Variants in RABGAP1 observed in about 807,000 individuals in gnomAD.
RABGAP1 encodes rab GTPase-activating protein 1.
RABGAP1 carries 23 observed loss-of-function variants against 137.6 expected under a neutral mutation model. The ratio of observed to expected loss-of-function variants is 0.17; its 90% CI spans 0.12 to 0.24. The LOEUF is 0.24. RABGAP1 is among the 10% of genes least tolerant of loss of function. The pLI, the probability that RABGAP1 is intolerant of heterozygous loss-of-function variation, is 1.00. For missense variants in RABGAP1, 906 were observed against 1,275.8 expected (o/e 0.71, Z 4.42); for synonymous variants, 451 against 450.7 (o/e 1.00, Z -0.01).
At chr9:123,016,422 G>A (rs1008721526) in intron 12 of RABGAP1, among the ~76,000 whole-genome samples, 3 of 152,116 alleles carry the variant, frequency 2.0e-5, no homozygotes, top group South Asian at 2.1e-4. Context: ...CAGGAGGATC[G>A]CTTGAGCATA....
chr9:123,087,678 G>GTA (rs1564187057), intron 19 of RABGAP1, among the ~76,000 whole-genome samples: 1 of 152,184 alleles, frequency 6.6e-6, no homozygotes, highest in Non-Finnish European at 1.5e-5. Context: ...GAGGTCAGCT[G>GTA]GAGCAGAATG....
the RABGAP1 span, among the ~76,000 whole-genome samples, chr9:122,933,440 A>AATT: frequency 0.034 from 4,905 of 146,036 alleles, 93 homozygotes; most frequent in Non-Finnish European, 0.039. Context: ...TTTTTCATTA[A>AATT]ATTATTATTA....
At chr9:123,097,351 A>C (rs909336594) in intron 21 of RABGAP1, among the ~76,000 whole-genome samples, 1 of 152,232 alleles carries the variant, frequency 6.6e-6, no homozygotes, top group Non-Finnish European at 1.5e-5. Flanking sequence ...TATTAATAAT[A>C]ATGATGGCTA....
At chr9:123,045,573 T>G (rs185949156) in intron 13 of RABGAP1, among the ~76,000 whole-genome samples, 1 of 152,282 alleles carries the variant, frequency 6.6e-6, no homozygotes, top group Non-Finnish European at 1.5e-5. Flanking sequence ...TTCTGGCAGT[T>G]AATTAGGTAA....
intron 15 of RABGAP1, among the ~76,000 whole-genome samples, chr9:123,072,240 AT>A (rs917013873): frequency 1.3e-5 from 2 of 152,138 alleles, no homozygotes; most frequent in African/African-American, 4.8e-5. Context: ...ATTTTCAGAT[AT>A]GGGTTGCTCA....
At chr9:122,989,188 C>A in intron 4 of RABGAP1, 109 bp from the exon 5 acceptor site, 1 of 1,021,194 alleles carries the variant, frequency 9.8e-7, no homozygotes, top group Non-Finnish European at 1.5e-6. Context: ...ATCAGCATAC[C>A]AAATATATGA....
At chr9:123,043,506 G>C (rs1194436293) in intron 13 of RABGAP1, among the ~76,000 whole-genome samples, 1 of 152,144 alleles carries the variant, frequency 6.6e-6, no homozygotes, top group Non-Finnish European at 1.5e-5. Flanking sequence ...GAAAAAAATA[G>C]AAAATTGAAG....
intron 13 of RABGAP1, among the ~76,000 whole-genome samples, chr9:123,055,263 C>T (rs554040492): frequency 2.0e-5 from 3 of 152,324 alleles, no homozygotes; most frequent in South Asian, 4.1e-4. Flanking sequence ...ACGATCACAG[C>T]TCACTGCAGC....
At chr9:123,093,978 A>G (rs1210510259) in intron 21 of RABGAP1, among the ~76,000 whole-genome samples, 3 of 152,156 alleles carry the variant, frequency 2.0e-5, no homozygotes, top group African/African-American at 4.8e-5. Context: ...TTAGTGTTCA[A>G]TTTACAAGAC....
At chr9:122,986,484 G>T in intron 4 of RABGAP1, 65 bp downstream of exon 4, 1 of 1,497,470 alleles carries the variant, frequency 6.7e-7, no homozygotes, top group Non-Finnish European at 9.2e-7. Context: ...GCTTCAGAAA[G>T]AAGCAATAGT....
intron 14 of RABGAP1, 100 bp downstream of exon 14, chr9:123,065,561 TC>T (rs1329474409): frequency 2.2e-6 from 2 of 914,172 alleles, no homozygotes; most frequent in South Asian, 2.8e-5. Context: ...TATTTGATGT[TC>T]AAGAATTCCA....
intron 19 of RABGAP1, among the ~76,000 whole-genome samples, chr9:123,083,710 C>T (rs575510127): frequency 2.6e-5 from 4 of 152,316 alleles, no homozygotes; most frequent in South Asian, 2.1e-4. Context: ...TGCAGACCTT[C>T]GAGACCCACA....
intron 19 of RABGAP1, among the ~76,000 whole-genome samples, chr9:123,077,348 C>G (rs1272128468): frequency 6.6e-6 from 1 of 151,832 alleles, no homozygotes; most frequent in Non-Finnish European, 1.5e-5. Context: ...TTTGGGTTCT[C>G]ACTATGTTGC....
chr9:123,025,543 C>CTTTTTTTTTTTTTTTTTTTTTTT (rs577474947), intron 13 of RABGAP1, among the ~76,000 whole-genome samples: 1 of 74,996 alleles, frequency 1.3e-5, no homozygotes, highest in Non-Finnish European at 2.7e-5. Flanking sequence ...TCTTTCTTTT[C>CTTTTTTTTTTTTTTTTTTTTTTT]TTTTTTTTTT....
chr9:123,043,779 G>A (rs1419101914), intron 13 of RABGAP1, among the ~76,000 whole-genome samples: 1 of 151,734 alleles, frequency 6.6e-6, no homozygotes, highest in South Asian at 2.1e-4. Flanking sequence ...AAAACAAACA[G>A]CTTTAAAAAA....
intron 12 of RABGAP1, among the ~76,000 whole-genome samples, chr9:123,019,936 G>T (rs1247105385): frequency 6.6e-6 from 1 of 151,960 alleles, no homozygotes; most frequent in African/African-American, 2.4e-5. Flanking sequence ...TACCCACCTC[G>T]GCCTCCCAAA....
At chr9:122,977,980 T>G (rs1835852456) in intron 2 of RABGAP1, among the ~76,000 whole-genome samples, 1 of 152,220 alleles carries the variant, frequency 6.6e-6, no homozygotes, top group Admixed American at 6.5e-5. Flanking sequence ...AATTGCATCT[T>G]TTGTGGAAAT....
chr9:123,022,726 T>C (rs2031723046), intron 13 of RABGAP1, among the ~76,000 whole-genome samples: 1 of 152,070 alleles, frequency 6.6e-6, no homozygotes, highest in African/African-American at 2.4e-5. Context: ...TTAATGAATA[T>C]ATATTAATTT....
intron 10 of RABGAP1, among the ~76,000 whole-genome samples, chr9:123,001,749 C>T (rs377654797): frequency 1.2e-3 from 185 of 152,334 alleles, no homozygotes; most frequent in Middle Eastern, 3.4e-3. Flanking sequence ...GAATCTTCCT[C>T]ATAGTGCTGT....
Sources: allele counts gnomAD v4.1 joint callset (sites outside exome capture counted in the v4.1 genomes callset), GRCh38; gene constraint gnomAD v4.1.1; transcripts MANE v1.5; gene names NCBI Gene and HGNC (gene_info 2026-07-23, HGNC 2026-07-21).